Variants in TMEM106B observed in about 807,000 individuals in gnomAD.
TMEM106B encodes the protein transmembrane protein 106B.
A neutral mutation model predicts 31.1 loss-of-function variants in TMEM106B; 15 were observed. The observed-to-expected ratio is 0.48, with a 90% CI of 0.32 to 0.74. The LOEUF is 0.74. Ranked by LOEUF, TMEM106B falls within the 30% of genes least tolerant of loss-of-function variation. TMEM106B has a pLI of 0.03. For missense variants in TMEM106B, 283 were observed against 327.3 expected, an observed-to-expected ratio of 0.86 and a Z score of 1.04; for synonymous variants, 126 against 112.5, an observed-to-expected ratio of 1.12 and a Z score of -0.76.
At chr7:12,226,676 T>A (rs571665718) in intron 4 of TMEM106B, among the ~76,000 whole-genome samples, 1,695 of 148,558 alleles carry the variant, frequency 0.011, 39 homozygotes, top group African/African-American at 0.039. Flanking sequence ...TAAAGTGGAA[T>A]CACTACTTAA....
chr7:12,242,379 CAAAAAAAAAAAAA>C lies in TMEM106B; in HGVS notation c.*10420_*10432del, dbSNP rs1169765784. ...TGGGCGACAGAGCGAGACTCCGTCT[CAAAAAAAAAAAAA>C]AAAAAAAAAAAAAAATACCCTTCTT... On this transcript the variant is annotated 3_prime_UTR_variant, in exon 8 of 8. Transcript: ENST00000396668. The C allele has an allele frequency of 6.0e-4, 7 of 11,662 alleles. 3 individuals are homozygous for C. The highest frequency in any genetic ancestry group is 3.6e-3 in the African/African-American group (4 of 1,116). 0.7% of individuals were successfully genotyped at this position (11,662 alleles called of 1,614,324 possible).
chr7:12,227,001 A>G (rs75275529), intron 4 of TMEM106B, among the ~76,000 whole-genome samples: 4,949 of 152,136 alleles, frequency 0.033, 445 homozygotes, highest in East Asian at 0.19. Context: ...ATGTACTAAT[A>G]AATAATAAAA....
chr7:12,225,071 A>G (rs1042362301), intron 4 of TMEM106B, among the ~76,000 whole-genome samples: 1 of 151,906 alleles, frequency 6.6e-6, no homozygotes, highest in Non-Finnish European at 1.5e-5. Context: ...CCTGTATCCA[A>G]GTATTCTCAT....
Position 12,232,063 on chromosome 7 carries a change from A to T in TMEM106B, c.*88A>T, listed in dbSNP as rs1782037103. 7.6e-7 allele frequency: 1 copy of T among 1,308,692 alleles called. No individual in the cohort carries two copies. Among genetic ancestry groups the T allele is most frequent in the African/African-American group, 1.5e-5 (1 of 67,678 alleles). 81.1% of individuals were successfully genotyped at this position (1,308,692 alleles called of 1,614,324 possible). ...GAGGTATTTCCTAATAGGAGACCTT[A>T]AATTGAACAAACCTAAAGTTTACAC... On this transcript the variant is annotated 3_prime_UTR_variant, in exon 8 of 8. Transcript: ENST00000396668.
chr7:12,217,923 A>G (rs7785087), intron 2 of TMEM106B, among the ~76,000 whole-genome samples: 76,460 of 151,934 alleles, frequency 0.5, 20,171 homozygotes, highest in African/African-American at 0.65. Flanking sequence ...TGACTTTAAC[A>G]TGGATTGGGG....
At chr7:12,218,614 A>G (rs1026691396) in intron 3 of TMEM106B, 93 bp downstream of exon 3, 15 of 1,011,242 alleles carry the variant, frequency 1.5e-5, no homozygotes, top group East Asian at 1.1e-4. Flanking sequence ...TAAAACTATT[A>G]AAAGAAAAAA....
intron 3 of TMEM106B, among the ~76,000 whole-genome samples, chr7:12,221,746 G>A (rs1244815121): frequency 1.3e-5 from 2 of 152,198 alleles, no homozygotes; most frequent in African/African-American, 4.8e-5. Flanking sequence ...CCTCAATGGA[G>A]ATGGAACTGG....
At chr7:12,215,136 A>G (rs1781661458) in intron 2 of TMEM106B, 109 bp downstream of exon 2, 2 of 847,668 alleles carry the variant, frequency 2.4e-6, no homozygotes, top group Admixed American at 5.3e-5. Flanking sequence ...TCTTAGAATT[A>G]AAGTTGAAAC....
intron 5 of TMEM106B, 64 bp from the exon 6 acceptor site, chr7:12,230,325 G>A: frequency 2.6e-6 from 3 of 1,142,216 alleles, no homozygotes. Flanking sequence ...AAGTTATGAA[G>A]TATATCTGAA....
rs1781981469 is a variant in TMEM106B at position 12,229,872 on chromosome 7, T to C, written c.582+53T>C. The C allele has an allele frequency of 2.6e-6, 4 of 1,534,958 alleles. No homozygotes were observed. In the Admixed American group the frequency reaches 8.2e-5, roughly 32 times the overall value. On this transcript the variant is annotated intron_variant, in intron 5 of 7. Transcript: ENST00000396668. ...AAGAGTTAAATGAATGTCAGCTTTG[T>C]ATATCATATAACTTGAAGGAGGTGG...
chr7:12,214,667 G>T, intron 1 of TMEM106B, 142 bp from the exon 2 acceptor site: 1 of 740,652 alleles, frequency 1.4e-6, no homozygotes. Context: ...CTCATTTTTG[G>T]CTCCGAATAA....
At chr7:12,231,264 T>G (rs1197366954) in intron 7 of TMEM106B, 149 bp downstream of exon 7, 5 of 571,176 alleles carry the variant, frequency 8.8e-6, no homozygotes, top group Non-Finnish European at 1.5e-5. Context: ...ATCACCCACT[T>G]TAAAAATTAC....
chr7:12,225,990 G>GT, intron 4 of TMEM106B, among the ~76,000 whole-genome samples: 1 of 152,144 alleles, frequency 6.6e-6, no homozygotes, highest in African/African-American at 2.4e-5. Context: ...ATGGTTTTAG[G>GT]TTTTTTAAAT....
chr7:12,224,320 A>T lies in TMEM106B; in HGVS notation c.376A>T (p.Ile126Phe), dbSNP rs746849121. 1 of 1,613,904 alleles carries T rather than the reference A, an allele frequency of 6.2e-7. No individual in the cohort carries two copies. ...LFPRSIDVKYIGVKSAYVSYD... is the reference protein window; with the variant it reads ...LFPRSIDVKYFGVKSAYVSYD... The stretch of plus-strand genomic sequence containing the variant: ...CCCTCGCTCTATCGACGTGAAATAC[A>T]TTGGTGTAAAATCAGCCTATGTCAG... The change falls in exon 4 of 8, where the codon ATT (isoleucine) becomes TTT (phenylalanine). Residue 126 changes from isoleucine (I) to phenylalanine (F), a missense_variant. Coordinates refer to ENST00000396668, the MANE Select transcript of TMEM106B (RefSeq NM_001134232.2).
chr7:12,237,816 T>TACACACACACACACACACAC lies in TMEM106B; in HGVS notation c.*5862_*5881dup, dbSNP rs71027485. The TACACACACACACACACACAC allele has an allele frequency of 2.4e-5, 3 of 124,750 alleles. No individual in the cohort carries two copies. The highest frequency in any genetic ancestry group is 6.0e-5 in the African/African-American group (2 of 33,060). 7.7% of individuals were successfully genotyped at this position (124,750 alleles called of 1,614,324 possible). On this transcript the variant is annotated 3_prime_UTR_variant, in exon 8 of 8. Transcript: ENST00000396668. ...CGAGACCCCATATAAAATATATACA[T>TACACACACACACACACACAC]ACACACACACACACACACACACACA... is the stretch of plus-strand genomic sequence containing the variant.
chr7:12,237,875 A>T lies in TMEM106B; in HGVS notation c.*5900A>T, dbSNP rs1782171147. The T allele has an allele frequency of 6.6e-6, 1 of 152,088 alleles. No individual in the cohort carries two copies. Among genetic ancestry groups the T allele is most frequent in the Admixed American group, 6.6e-5 (1 of 15,200 alleles). The allele number at this position is 152,088 out of a possible 1,614,324, so 9.4% of individuals were successfully genotyped here. A position where few individuals can be genotyped will look rare whatever the true frequency, so the allele number is the denominator to read the frequency against. On this transcript the variant is annotated 3_prime_UTR_variant, in exon 8 of 8. Transcript: ENST00000396668. Reference sequence around the variant, plus strand: ...CACACACTATTGCTAAAAAATGTTAACGATCATCTGAATGTTCAGAAGTTT... The same window carrying T: ...CACACACTATTGCTAAAAAATGTTATCGATCATCTGAATGTTCAGAAGTTT...
intron 3 of TMEM106B, among the ~76,000 whole-genome samples, chr7:12,220,133 C>T (rs1781759900): frequency 6.6e-6 from 1 of 152,072 alleles, no homozygotes; most frequent in Admixed American, 6.6e-5. Context: ...ATATTTAAAT[C>T]AGGAAAATAA....
chr7:12,216,380 GAA>G (rs5882345), intron 2 of TMEM106B, among the ~76,000 whole-genome samples: 1 of 150,318 alleles, frequency 6.7e-6, no homozygotes, highest in Non-Finnish European at 1.5e-5. Context: ...TATTAAAATT[GAA>G]AAAAAAAAGA....
intron 4 of TMEM106B, among the ~76,000 whole-genome samples, chr7:12,226,951 C>T (rs1378914407): frequency 6.6e-6 from 1 of 151,858 alleles, no homozygotes. Context: ...CTTTTTTTGG[C>T]CTACCTCCAA....
Sources: gnomAD v4.1 joint callset for allele counts (sites outside exome capture counted in the v4.1 genomes callset) on GRCh38, gnomAD v4.1.1 for gene constraint, MANE v1.5 for transcripts, NCBI Gene and HGNC (gene_info 2026-07-23, HGNC 2026-07-21) for gene names.